Variants in RHPN2 observed in about 807,000 individuals in gnomAD.
RHPN2 encodes the protein rhophilin-2.
In RHPN2, 40 loss-of-function variants were observed where a neutral mutation model predicts 79.0. The observed-to-expected ratio is 0.51, with a 90% confidence interval of 0.39 to 0.66. The LOEUF is 0.66. Among genes scored for constraint, RHPN2 ranks in the 30% least tolerant of loss-of-function variants. RHPN2 has a pLI of 0.00. For synonymous variants in RHPN2, 285 were observed against 363.5 expected (o/e 0.78, Z 2.46); for missense variants, 686 against 883.5 (o/e 0.78, Z 2.83).
In RHPN2 at chr19:33,022,395, C is replaced by A. The variant is rs145680714; in HGVS notation, c.315-749G>T. Reference sequence around the variant, plus strand: ...CCCCCACCTCCTCTGCCCCCCTCAGCGGGCCCCACAGCTGTGGAAGCTCTC... The same window carrying A: ...CCCCCACCTCCTCTGCCCCCCTCAGAGGGCCCCACAGCTGTGGAAGCTCTC... On this transcript the variant is annotated intron_variant, in intron 3 of 14. Transcript: ENST00000254260. 2.5e-3 allele frequency among the ~76,000 whole-genome samples: 375 copies of A among 152,260 alleles called. 2 individuals are homozygous for A. The highest frequency in any genetic ancestry group is 8.5e-3 in the African/African-American group (354 of 41,566).
intron 14 of RHPN2, among the ~76,000 whole-genome samples, chr19:32,987,733 T>A (rs1347046469): frequency 1.3e-5 from 2 of 152,212 alleles, no homozygotes; most frequent in Non-Finnish European, 2.9e-5. Context: ...AAATATTTAT[T>A]TCTAGCTCTG....
chr19:33,009,006 C>T (rs1281630287), intron 6 of RHPN2, among the ~76,000 whole-genome samples: 1 of 125,100 alleles, frequency 8.0e-6, no homozygotes, highest in Admixed American at 8.1e-5. Context: ...AAAGAGCCAA[C>T]CTGAACATTG....
intron 4 of RHPN2, among the ~76,000 whole-genome samples, chr19:33,017,265 T>C (rs2145242538): frequency 6.6e-6 from 1 of 152,088 alleles, no homozygotes; most frequent in African/African-American, 2.4e-5. Context: ...TCCCAGCTAC[T>C]TGGGAGAATG....
At chr19:32,997,830 C>A (rs1971714933) in intron 10 of RHPN2, among the ~76,000 whole-genome samples, 1 of 152,128 alleles carries the variant, frequency 6.6e-6, no homozygotes, top group Non-Finnish European at 1.5e-5. Flanking sequence ...GAGCAGAGCC[C>A]TGATTGATGT....
At position 33,018,767 on chromosome 19, in the gene RHPN2, G is replaced by A. The variant is rs866861951; in HGVS notation, c.390+2804C>T. The stretch of plus-strand genomic sequence containing the variant: ...TTGCTTTTAAAAGTAGTAGTTGGCC[G>A]GGAGCGGCGGCTCACACCTGTAATC... On this transcript the variant is annotated intron_variant, in intron 4 of 14. Transcript: ENST00000254260. Among the ~76,000 whole-genome samples the A allele has an allele frequency of 4.6e-5, 7 of 152,222 alleles. No individual in the cohort carries two copies. In the South Asian group the frequency reaches 6.2e-4, roughly 14 times the overall value.
intron 7 of RHPN2, among the ~76,000 whole-genome samples, chr19:33,005,992 G>A (rs10421384): frequency 0.2 from 30,164 of 151,752 alleles, 3,079 homozygotes; most frequent in Middle Eastern, 0.28. Context: ...TGATCCTTCT[G>A]TCTCAGCCTC....
At position 33,018,036 on chromosome 19, in the gene RHPN2, C is replaced by G. The variant is rs1430901530; in HGVS notation, c.390+3535G>C. ...GGGCGTGGTAGTGGGTGCCTGAAACCCCAGCTACTCAGGAGGCTGAGGCAG... is the reference window on the plus strand; with the variant it reads ...GGGCGTGGTAGTGGGTGCCTGAAACGCCAGCTACTCAGGAGGCTGAGGCAG... On this transcript the variant is annotated intron_variant, in intron 4 of 14. Coordinates refer to ENST00000254260, the MANE Select transcript of RHPN2 (RefSeq NM_033103.5). 2.0e-5 allele frequency among the ~76,000 whole-genome samples: 3 copies of G among 152,048 alleles called. No homozygotes were observed. The East Asian group carries it at 5.8e-4, about 29-fold the overall frequency.
intron 4 of RHPN2, among the ~76,000 whole-genome samples, chr19:33,018,235 AG>A (rs1971893840): frequency 6.6e-6 from 1 of 151,806 alleles, no homozygotes; most frequent in Non-Finnish European, 1.5e-5. Context: ...AGGCTGAGGA[AG>A]GAGAATCGCT....
intron 6 of RHPN2, 45 bp from the exon 7 acceptor site, chr19:33,008,225 G>T: frequency 1.1e-4 from 156 of 1,436,450 alleles, no homozygotes; most frequent in Non-Finnish European, 1.4e-4. Flanking sequence ...TACTTGGCTA[G>T]TTAATGCTAC....
intron 3 of RHPN2, among the ~76,000 whole-genome samples, chr19:33,022,314 C>CACAG (rs1971931395): frequency 6.6e-6 from 1 of 152,144 alleles, no homozygotes; most frequent in Non-Finnish European, 1.5e-5. Flanking sequence ...GTGCCTGGTG[C>CACAG]ACTTGCTGCT....
intron 2 of RHPN2, 47 bp downstream of exon 2, chr19:33,044,202 C>T: frequency 7.1e-7 from 1 of 1,410,298 alleles, no homozygotes; most frequent in Non-Finnish European, 1.0e-6. Context: ...GTTTAGGGAA[C>T]AGATGACTAG....
chr19:33,034,001 T>C (rs1972033421), intron 2 of RHPN2, among the ~76,000 whole-genome samples: 1 of 138,382 alleles, frequency 7.2e-6, no homozygotes, highest in African/African-American at 3.0e-5. Flanking sequence ...TTGCCATGTC[T>C]CCCCCCTCCC....
rs558212772 is a variant in RHPN2, at chr19:32,982,208, G to A, written c.1801-1952C>T. On this transcript the variant is annotated intron_variant, in intron 14 of 14. Transcript: ENST00000254260. Reference sequence around the variant, plus strand: ...AGATCACTTGAGGCCAGGAGTTCAAGACCATCGTGGCCAACATGGTGAAAC... The same window carrying A: ...AGATCACTTGAGGCCAGGAGTTCAAAACCATCGTGGCCAACATGGTGAAAC... 1.1e-4 allele frequency among the ~76,000 whole-genome samples: 17 copies of A among 152,136 alleles called. No individual in the cohort carries two copies. The South Asian group carries it at 2.7e-3, about 24-fold the overall frequency.
At chr19:33,038,607 G>A (rs1972076496) in intron 2 of RHPN2, among the ~76,000 whole-genome samples, 1 of 151,964 alleles carries the variant, frequency 6.6e-6, no homozygotes, top group Non-Finnish European at 1.5e-5. Context: ...TCCTGCCTCA[G>A]CCTCCCAAGT....
intron 7 of RHPN2, among the ~76,000 whole-genome samples, chr19:33,005,489 C>G (rs1162625595): frequency 6.7e-6 from 1 of 149,334 alleles, no homozygotes; most frequent in Non-Finnish European, 1.5e-5. Context: ...CTTCCTCTGA[C>G]TTCTTTGTAG....
chr19:33,042,404 C>A (rs952602481), intron 2 of RHPN2, among the ~76,000 whole-genome samples: 1 of 152,166 alleles, frequency 6.6e-6, no homozygotes, highest in Non-Finnish European at 1.5e-5. Context: ...TCTCTCACGT[C>A]ACACAGATGA....
intron 2 of RHPN2, among the ~76,000 whole-genome samples, chr19:33,033,418 T>C (rs1972027973): frequency 2.6e-5 from 4 of 151,760 alleles, no homozygotes; most frequent in Admixed American, 2.6e-4. Flanking sequence ...ATACAAAAAT[T>C]ATCTGGGCAT....
chr19:33,041,416 G>A (rs1972099610), intron 2 of RHPN2, among the ~76,000 whole-genome samples: 2 of 152,160 alleles, frequency 1.3e-5, no homozygotes, highest in South Asian at 2.1e-4. Flanking sequence ...GGTGCTTGTT[G>A]AGTCAGATTA....
chr19:33,033,749 T>C (rs921630464), intron 2 of RHPN2, among the ~76,000 whole-genome samples: 2 of 138,996 alleles, frequency 1.4e-5, no homozygotes, highest in Admixed American at 1.6e-4. Context: ...GCACTTGTAA[T>C]CCCACTACTT....
Sources: gnomAD v4.1 joint callset for allele counts (sites outside exome capture counted in the v4.1 genomes callset) on GRCh38, gnomAD v4.1.1 for gene constraint, MANE v1.5 for transcripts, NCBI Gene and HGNC (gene_info 2026-07-23, HGNC 2026-07-21) for gene names.